ANKS1B: variants seen among roughly 807,000 people sequenced by gnomAD.
ANKS1B encodes ankyrin repeat and sterile alpha motif domain-containing protein 1B.
In ANKS1B, 36 loss-of-function variants were observed where a neutral mutation model predicts 148.3. That is an observed-to-expected ratio of 0.24 (90% CI 0.19 to 0.32). ANKS1B has a LOEUF of 0.32. ANKS1B is among the 10% of genes least tolerant of loss of function. The pLI is 1.00. For synonymous variants in ANKS1B, 542 were observed against 560.8 expected (o/e 0.97, Z 0.47); for missense variants, 1,157 against 1,542.6 (o/e 0.75, Z 4.19).
At chr12:98,861,849 A>G (rs2099600630) in intron 17 of ANKS1B, among the ~76,000 whole-genome samples, 1 of 152,210 alleles carries the variant, frequency 6.6e-6, no homozygotes, top group African/African-American at 2.4e-5. Context: ...GAGCTCTGAT[A>G]TGCTGCTTTT....
chr12:98,957,081 A>G (rs1393945275), intron 17 of ANKS1B, among the ~76,000 whole-genome samples: 1 of 152,180 alleles, frequency 6.6e-6, no homozygotes, highest in Admixed American at 6.5e-5. Context: ...ATCTCTAAAT[A>G]CATTCCAGGT....
At chr12:99,203,194 G>A (rs2082265682) in intron 14 of ANKS1B, among the ~76,000 whole-genome samples, 1 of 152,150 alleles carries the variant, frequency 6.6e-6, no homozygotes, top group South Asian at 2.1e-4. Context: ...GATTGATAAA[G>A]AGTTTCAGGA....
At chr12:98,929,015 C>T (rs187129118) in intron 17 of ANKS1B, among the ~76,000 whole-genome samples, 73 of 151,200 alleles carry the variant, frequency 4.8e-4, no homozygotes, top group Non-Finnish European at 8.9e-4. Flanking sequence ...TTGCAGATTA[C>T]GTGATCGTTA....
chr12:99,426,496 G>A (rs2095257510), intron 11 of ANKS1B, among the ~76,000 whole-genome samples: 2 of 152,132 alleles, frequency 1.3e-5, no homozygotes, highest in African/African-American at 4.8e-5. Context: ...AAGAATTCAT[G>A]TCAAATTATA....
chr12:99,850,220 C>T (rs2087481412), intron 1 of ANKS1B, among the ~76,000 whole-genome samples: 1 of 149,368 alleles, frequency 6.7e-6, no homozygotes, highest in African/African-American at 2.5e-5. Flanking sequence ...TGATGTGATT[C>T]AAAACATGTT....
At chr12:99,460,279 G>T (rs1185365250) in intron 10 of ANKS1B, among the ~76,000 whole-genome samples, 1 of 152,102 alleles carries the variant, frequency 6.6e-6, no homozygotes, top group Non-Finnish European at 1.5e-5. Context: ...ATGGATTAAA[G>T]ACTTAATTCT....
At chr12:99,962,465 G>T (rs959275014) in intron 1 of ANKS1B, among the ~76,000 whole-genome samples, 2 of 152,124 alleles carry the variant, frequency 1.3e-5, no homozygotes, top group East Asian at 3.9e-4. Flanking sequence ...ATGGGCATTT[G>T]GGTTGGTTCC....
chr12:99,572,469 G>C (rs2097467595), intron 9 of ANKS1B, among the ~76,000 whole-genome samples: 1 of 151,988 alleles, frequency 6.6e-6, no homozygotes, highest in Admixed American at 6.6e-5. Flanking sequence ...TGATAATTCA[G>C]ATATAAGCCA....
chr12:98,788,216 C>T (rs2098815026), intron 22 of ANKS1B, among the ~76,000 whole-genome samples: 1 of 149,730 alleles, frequency 6.7e-6, no homozygotes, highest in African/African-American at 2.5e-5. Flanking sequence ...ACCAGCCGGA[C>T]CAACATGGTG....
intron 8 of ANKS1B, among the ~76,000 whole-genome samples, chr12:99,735,807 C>CAAGAAAA (rs1555576207): frequency 9.2e-6 from 1 of 108,956 alleles, no homozygotes; most frequent in Non-Finnish European, 1.9e-5. Context: ...GGACATATAC[C>CAAGAAAA]AAAAAAAAAA....
intron 25 of ANKS1B, among the ~76,000 whole-genome samples, chr12:98,759,509 G>A (rs1279929451): frequency 5.9e-5 from 9 of 152,158 alleles, no homozygotes; most frequent in South Asian, 2.1e-4. Context: ...TCTAGTATGA[G>A]AAAAATTGCA....
At chr12:99,145,503 C>T (rs2072732521) in intron 15 of ANKS1B, among the ~76,000 whole-genome samples, 1 of 151,932 alleles carries the variant, frequency 6.6e-6, no homozygotes, top group African/African-American at 2.4e-5. Context: ...AGGACATAGG[C>T]TATGTTAGGT....
chr12:99,199,829 G>A (rs1161148857), intron 14 of ANKS1B, among the ~76,000 whole-genome samples: 1 of 152,120 alleles, frequency 6.6e-6, no homozygotes, highest in Non-Finnish European at 1.5e-5. Context: ...AGAGGGACAC[G>A]TACTCAGTGT....
At chr12:99,172,639 T>C (rs2077910436) in intron 14 of ANKS1B, among the ~76,000 whole-genome samples, 2 of 152,214 alleles carry the variant, frequency 1.3e-5, no homozygotes, top group African/African-American at 2.4e-5. Flanking sequence ...CTTGGTCTAA[T>C]GTTGGTTCAA....
intron 11 of ANKS1B, among the ~76,000 whole-genome samples, chr12:99,441,599 A>G (rs1231425585): frequency 6.6e-6 from 1 of 151,950 alleles, no homozygotes; most frequent in African/African-American, 2.4e-5. Flanking sequence ...TATAGCTGTT[A>G]TTGTTCTATT....
Position 99,307,865 on chromosome 12 carries a change from G to T in ANKS1B, c.1757-61001C>A, listed in dbSNP as rs562983886. On this transcript the variant is annotated intron_variant, in intron 12 of 26. Transcript: ENST00000683438. ...AACAATTCTCCAAAGGCTAATTCTT[G>T]CTGGAGGTCACACAGCCAATTTGTT... Among the ~76,000 whole-genome samples the T allele has an allele frequency of 8.1e-4, 124 of 152,152 alleles. 2 individuals are homozygous for T. In the South Asian group the frequency reaches 0.025, roughly 30 times the overall value.
intron 11 of ANKS1B, among the ~76,000 whole-genome samples, chr12:99,426,837 G>GCTC (rs772992133): frequency 3.9e-5 from 6 of 152,060 alleles, no homozygotes; most frequent in Non-Finnish European, 7.4e-5. Context: ...TTTGATCCTT[G>GCTC]CTCCCCAGTT....
rs916508443 is a variant in ANKS1B, at chr12:99,578,323, C to A, written c.1273-73682G>T. On this transcript the variant is annotated intron_variant, in intron 9 of 26. Coordinates refer to ENST00000683438, the MANE Select transcript of ANKS1B (RefSeq NM_001352186.2). ...GAAATGACTGCACACCCACTAACCACTCCTATTTATAACAGCACTAAAGGT... is the reference window on the plus strand; with the variant it reads ...GAAATGACTGCACACCCACTAACCAATCCTATTTATAACAGCACTAAAGGT... Among the ~76,000 whole-genome samples the A allele has an allele frequency of 2.6e-5, 4 of 152,062 alleles. No homozygotes were observed. The South Asian group carries it at 8.3e-4, about 32-fold the overall frequency.
intron 15 of ANKS1B, among the ~76,000 whole-genome samples, chr12:99,091,533 C>A (rs1021697491): frequency 1.3e-5 from 2 of 151,998 alleles, no homozygotes; most frequent in Admixed American, 1.3e-4. Context: ...AGAGAAGGAG[C>A]CTATTCTTCA....
Sources: allele counts gnomAD v4.1 joint callset (sites outside exome capture counted in the v4.1 genomes callset), GRCh38; gene constraint gnomAD v4.1.1; transcripts MANE v1.5; gene names NCBI Gene and HGNC (gene_info 2026-07-23, HGNC 2026-07-21).